COL5A1: variants seen among roughly 807,000 people sequenced by gnomAD.
The protein encoded by COL5A1 is collagen type V alpha 1 chain.
In COL5A1, 16 loss-of-function variants were observed where a neutral mutation model predicts 263.7. The observed-to-expected ratio is 0.06, with a 90% confidence interval of 0.04 to 0.09. COL5A1 has a LOEUF of 0.09. COL5A1 is among the 10% of genes least tolerant of loss of function. The pLI, the probability that COL5A1 is intolerant of heterozygous loss-of-function variation, is 1.00. For missense variants in COL5A1, 2,036 were observed against 2,540.5 expected, an observed-to-expected ratio of 0.80 and a Z score of 4.27; for synonymous variants, 1,012 against 1,004.5, an observed-to-expected ratio of 1.01 and a Z score of -0.14.
chr9:134,780,048 A>G (rs1837193005), intron 27 of COL5A1, 54 bp from the exon 28 acceptor site: 5 of 1,604,756 alleles, frequency 3.1e-6, no homozygotes, highest in Non-Finnish European at 4.3e-6. Flanking sequence ...CGACAGCTCT[A>G]GAAAGGCTGA....
At chr9:134,768,163 TG>T (rs1428139880) in intron 24 of COL5A1, among the ~76,000 whole-genome samples, 1 of 152,112 alleles carries the variant, frequency 6.6e-6, no homozygotes, top group Non-Finnish European at 1.5e-5. Context: ...TGGAGAAGAA[TG>T]GGGGCACTTG....
chr9:134,760,199 A>T (rs564911960), intron 18 of COL5A1, among the ~76,000 whole-genome samples: 67 of 101,362 alleles, frequency 6.6e-4, no homozygotes, highest in African/African-American at 2.3e-3. Flanking sequence ...CCACACCCCC[A>T]CACTCATACA....
chr9:134,772,713 C>T, intron 25 of COL5A1, 77 bp from the exon 26 acceptor site: 2 of 1,408,150 alleles, frequency 1.4e-6, no homozygotes, highest in East Asian at 2.3e-5. Context: ...ATCATGGATG[C>T]TACGCAGGGA....
intron 28 of COL5A1, among the ~76,000 whole-genome samples, chr9:134,782,176 C>T (rs1451118112): frequency 3.3e-4 from 51 of 152,336 alleles, no homozygotes; most frequent in Non-Finnish European, 1.6e-4. Context: ...CCCCCGCCAC[C>T]CCCGGCAACA....
chr9:134,826,724 G>A (rs535805941), intron 63 of COL5A1, among the ~76,000 whole-genome samples: 2,010 of 121,090 alleles, frequency 0.017, 44 homozygotes, highest in African/African-American at 0.057. Context: ...TGTGGGTGGT[G>A]TGTGGGTGTG....
At chr9:134,654,573 G>A (rs1831857354) in intron 1 of COL5A1, among the ~76,000 whole-genome samples, 5 of 135,514 alleles carry the variant, frequency 3.7e-5, no homozygotes, top group East Asian at 2.4e-4. Flanking sequence ...GTGTGTGTAG[G>A]GCTGGGGGTG....
At chr9:134,747,959 A>G (rs1588499263) in intron 11 of COL5A1, among the ~76,000 whole-genome samples, 1 of 147,158 alleles carries the variant, frequency 6.8e-6, no homozygotes, top group African/African-American at 2.6e-5. Flanking sequence ...ATGCAGACAC[A>G]TGCACACATG....
rs937136108 is a variant in COL5A1 at position 134,741,992 on chromosome 9, G to A, written c.1494+3184G>A. On this transcript the variant is annotated intron_variant, in intron 11 of 65. Transcript: ENST00000371817. The surrounding 1 kb of genome is among the most constrained non-coding windows in gnomAD (Gnocchi z 4.5). ...CACACCCTGCTCCCTGTGGGCAGCCGTGGGCAGCCGTGGCAATTGGCTGGG... is the reference window on the plus strand; with the variant it reads ...CACACCCTGCTCCCTGTGGGCAGCCATGGGCAGCCGTGGCAATTGGCTGGG... Among the ~76,000 whole-genome samples, 15 of 151,958 alleles carry A rather than the reference G, an allele frequency of 9.9e-5. No homozygotes were observed. Among genetic ancestry groups the A allele is most frequent in the African/African-American group, 3.6e-4 (15 of 41,362 alleles).
rs190045131 is a variant in COL5A1, at chr9:134,690,228, G to A, written c.110-684G>A. On this transcript the variant is annotated intron_variant, in intron 1 of 65. Transcript: ENST00000371817. ...GGCTCTGCATGGTCTGGCGATGTGG[G>A]CAGGGGTCTTCCAGGGCAATGGAAA... Among the ~76,000 whole-genome samples, 8 of 152,274 alleles carry A rather than the reference G, an allele frequency of 5.3e-5. No homozygotes were observed. The East Asian group carries it at 1.6e-3, about 30-fold the overall frequency.
At chr9:134,705,619 T>TGGTGA (rs1430833555) in intron 4 of COL5A1, among the ~76,000 whole-genome samples, 1 of 152,212 alleles carries the variant, frequency 6.6e-6, no homozygotes, top group African/African-American at 2.4e-5. Flanking sequence ...GATTTTGGGT[T>TGGTGA]GGTGAGATCA....
intron 1 of COL5A1, among the ~76,000 whole-genome samples, chr9:134,669,755 G>A (rs1273097795): frequency 6.6e-6 from 1 of 152,132 alleles, no homozygotes; most frequent in East Asian, 1.9e-4. Flanking sequence ...AAGTAACCCT[G>A]GCTCTCCGCA....
At chr9:134,655,370 G>A (rs956067360) in intron 1 of COL5A1, among the ~76,000 whole-genome samples, 1 of 151,944 alleles carries the variant, frequency 6.6e-6, no homozygotes, top group African/African-American at 2.4e-5. Context: ...GCCCCCAGCC[G>A]GGAGGGTGGA....
rs1359317987 is a variant in COL5A1 at position 134,757,532 on chromosome 9, G to A, written c.1882-711G>A. The stretch of plus-strand genomic sequence containing the variant: ...AACTACACCTGTTCCCTCTTAACGG[G>A]CGTGGATGAGCTCTGAAGTGCATCC... On this transcript the variant is annotated intron_variant, in intron 17 of 65. Transcript: ENST00000371817. This position sits in a 1 kb window ranked among gnomAD's most constrained non-coding sequence, Gnocchi z 6.2. 5.9e-5 allele frequency among the ~76,000 whole-genome samples: 9 copies of A among 152,186 alleles called. No individual in the cohort carries two copies. Among genetic ancestry groups the A allele is most frequent in the African/African-American group, 2.2e-4 (9 of 41,452 alleles).
At position 134,642,397 on chromosome 9, in the gene COL5A1, G is replaced by A; in HGVS notation, c.109+101G>A. The A allele has an allele frequency of 4.3e-6, 1 of 233,892 alleles. No homozygotes were observed. The highest frequency in any genetic ancestry group is 1.1e-4 in the East Asian group (1 of 8,896). 14.5% of individuals were successfully genotyped at this position (233,892 alleles called of 1,614,324 possible). ...TTCGCCCGCAGAACTTTTCTTCCTT[G>A]GCCTGTGGAATGCACGGGCCAAGAC... On this transcript the variant is annotated intron_variant, in intron 1 of 65. Transcript: ENST00000371817. This position sits in a 1 kb window ranked among gnomAD's most constrained non-coding sequence, Gnocchi z 4.5.
At chr9:134,731,330 G>T (rs988882548) in intron 7 of COL5A1, among the ~76,000 whole-genome samples, 166 bp from the exon 8 acceptor site, 1 of 152,170 alleles carries the variant, frequency 6.6e-6, no homozygotes, top group Admixed American at 6.5e-5. Context: ...CCAGAGGGGG[G>T]TCTCTGCCCA....
intron 11 of COL5A1, among the ~76,000 whole-genome samples, chr9:134,740,057 A>G (rs998391794): frequency 6.6e-6 from 1 of 152,234 alleles, no homozygotes; most frequent in Non-Finnish European, 1.5e-5. Flanking sequence ...TTGGAGGTCC[A>G]GAAGAGGCGG....
intron 26 of COL5A1, among the ~76,000 whole-genome samples, chr9:134,773,845 G>C (rs1399129586): frequency 6.6e-6 from 1 of 152,176 alleles, no homozygotes; most frequent in Non-Finnish European, 1.5e-5. Flanking sequence ...CTTCTGCCCC[G>C]TTCCCTCTCT....
chr9:134,678,448 C>T lies in COL5A1; in HGVS notation c.110-12464C>T, dbSNP rs892430134. Among the ~76,000 whole-genome samples, 7 of 152,308 alleles carry T rather than the reference C, an allele frequency of 4.6e-5. No individual in the cohort carries two copies. Among genetic ancestry groups the T allele is most frequent in the Non-Finnish European group, 5.9e-5 (4 of 68,034 alleles). On this transcript the variant is annotated intron_variant, in intron 1 of 65. Coordinates refer to ENST00000371817, the MANE Select transcript of COL5A1 (RefSeq NM_000093.5). The surrounding 1 kb of genome is among the most constrained non-coding windows in gnomAD (Gnocchi z 5.5). ...CAACAGGCTCATTGCAGTGGCCTGC[C>T]GCCCCGGTGTGTGTCCCTGACTCAG...
intron 13 of COL5A1, 137 bp downstream of exon 13, chr9:134,751,019 G>A (rs759533525): frequency 5.1e-5 from 40 of 785,432 alleles, no homozygotes; most frequent in Non-Finnish European, 8.2e-5. Flanking sequence ...TGCTTGCTGG[G>A]GTCAGGAGCT....
Sources: allele counts gnomAD v4.1 joint callset (sites outside exome capture counted in the v4.1 genomes callset), GRCh38; gene constraint gnomAD v4.1.1; non-coding constraint Gnocchi (gnomAD v3.1); transcripts MANE v1.5; gene names NCBI Gene and HGNC (gene_info 2026-07-23, HGNC 2026-07-21).